The following RXFP1 variants were observed in gnomAD, a reference collection of about 807,000 sequenced individuals.
The protein encoded by RXFP1 is relaxin family peptide receptor 1.
RXFP1 carries 73 observed loss-of-function variants against 89.8 expected under a neutral mutation model. The observed-to-expected ratio is 0.81, with a 90% CI of 0.67 to 0.99. RXFP1 has a LOEUF of 0.99. Ranked by LOEUF, RXFP1 falls within the 50% of genes least tolerant of loss-of-function variation. The probability of loss-of-function intolerance (pLI) is 0.00; values close to 1 mark genes in which losing one functional copy is unlikely to be tolerated. For missense variants in RXFP1, 793 were observed against 895.5 expected (o/e 0.89, Z 1.46); for synonymous variants, 277 against 305.5 (o/e 0.91, Z 0.97).
chr4:158,542,031 T>C (rs1430849954), intron 1 of RXFP1, among the ~76,000 whole-genome samples: 1 of 142,784 alleles, frequency 7.0e-6, no homozygotes, highest in African/African-American at 2.6e-5. Flanking sequence ...GCGATTCTTC[T>C]GCCTCAGCCT....
intron 1 of RXFP1, among the ~76,000 whole-genome samples, chr4:158,567,325 C>G (rs921235961): frequency 6.6e-6 from 1 of 152,204 alleles, no homozygotes; most frequent in Non-Finnish European, 1.5e-5. Flanking sequence ...CACCTGCAGC[C>G]CCTGTGAGCG....
chr4:158,560,881 G>A (rs1484492547), intron 1 of RXFP1, among the ~76,000 whole-genome samples: 2 of 152,166 alleles, frequency 1.3e-5, no homozygotes, highest in East Asian at 1.9e-4. Context: ...CCAAGAAGCC[G>A]GCCAGCTGGG....
At chr4:158,567,461 C>G (rs1181751490) in intron 1 of RXFP1, among the ~76,000 whole-genome samples, 1 of 152,190 alleles carries the variant, frequency 6.6e-6, no homozygotes, top group Admixed American at 6.5e-5. Context: ...TGTAAACACA[C>G]CAATCAGCAC....
intron 1 of RXFP1, among the ~76,000 whole-genome samples, chr4:158,571,486 G>A (rs1489323264): frequency 1.3e-5 from 2 of 152,120 alleles, no homozygotes; most frequent in Non-Finnish European, 2.9e-5. Context: ...GACCAACATG[G>A]TAAAACCTCG....
chr4:158,549,891 G>GGGGGTCA (rs1302152243), intron 1 of RXFP1, among the ~76,000 whole-genome samples: 1 of 152,182 alleles, frequency 6.6e-6, no homozygotes, highest in Non-Finnish European at 1.5e-5. Context: ...TAGGCTGCTT[G>GGGGGTCA]GGGGTCAGGG....
At chr4:158,650,698 G>A (rs1052800794) in intron 17 of RXFP1, among the ~76,000 whole-genome samples, 4 of 152,066 alleles carry the variant, frequency 2.6e-5, no homozygotes, top group African/African-American at 9.6e-5. Context: ...GAACTTGGGA[G>A]GCAGAGACTT....
At chr4:158,591,887 C>T (rs983025466) in intron 2 of RXFP1, among the ~76,000 whole-genome samples, 2 of 152,128 alleles carry the variant, frequency 1.3e-5, no homozygotes, top group Admixed American at 1.3e-4. Context: ...TGGTAGCATT[C>T]AGGAAAAAAT....
intron 14 of RXFP1, 93 bp downstream of exon 14, chr4:158,639,424 T>G: frequency 1.3e-6 from 1 of 746,752 alleles, no homozygotes; most frequent in East Asian, 2.6e-5. Context: ...TATTTTCTAC[T>G]AATTTGCCAG....
rs1747987113 is a variant in RXFP1, at chr4:158,545,266, C to G, written c.49+23241C>G. On this transcript the variant is annotated intron_variant, in intron 1 of 17. Transcript: ENST00000307765. The stretch of plus-strand genomic sequence containing the variant: ...TGTCTTCTTTTGAGAAGTGTCTGTT[C>G]ATATCCTTCGCCCACTTTTTGATGG... Among the ~76,000 whole-genome samples, 5 of 152,172 alleles carry G rather than the reference C, an allele frequency of 3.3e-5. No individual in the cohort carries two copies. The South Asian group carries it at 1.0e-3, about 32-fold the overall frequency.
intron 6 of RXFP1, 63 bp downstream of exon 6, chr4:158,608,106 A>T: frequency 9.3e-7 from 1 of 1,080,786 alleles, no homozygotes; most frequent in Non-Finnish European, 1.4e-6. Flanking sequence ...GACTATTCCA[A>T]TCCAGACCAG....
intron 1 of RXFP1, among the ~76,000 whole-genome samples, chr4:158,553,850 A>G (rs950916316): frequency 3.3e-5 from 5 of 152,184 alleles, no homozygotes; most frequent in Admixed American, 2.0e-4. Flanking sequence ...CAAAGTACTC[A>G]GCATGCTAAA....
chr4:158,590,318 C>T (rs1759180255), intron 2 of RXFP1, among the ~76,000 whole-genome samples: 1 of 152,088 alleles, frequency 6.6e-6, no homozygotes, highest in Non-Finnish European at 1.5e-5. Context: ...GCATGTATCA[C>T]CATGGCTGGG....
At chr4:158,616,599 A>G (rs1302445592) in intron 8 of RXFP1, among the ~76,000 whole-genome samples, 3 of 141,914 alleles carry the variant, frequency 2.1e-5, no homozygotes, top group Non-Finnish European at 4.6e-5. Flanking sequence ...GCTTTCCTCC[A>G]TATAATAACT....
At chr4:158,627,542 TG>T (rs1767131441) in intron 10 of RXFP1, among the ~76,000 whole-genome samples, 1 of 149,928 alleles carries the variant, frequency 6.7e-6, no homozygotes, top group African/African-American at 2.5e-5. Flanking sequence ...TGTGTGTGTG[TG>T]TGTGTGTTTT....
intron 1 of RXFP1, among the ~76,000 whole-genome samples, chr4:158,536,436 T>A (rs1353640951): frequency 6.6e-6 from 1 of 152,172 alleles, no homozygotes; most frequent in Non-Finnish European, 1.5e-5. Context: ...GGGAAATGCG[T>A]CAATCAGAGA....
At chr4:158,528,512 GA>G (rs941143547) in intron 1 of RXFP1, among the ~76,000 whole-genome samples, 4 of 150,160 alleles carry the variant, frequency 2.7e-5, no homozygotes, top group Admixed American at 2.0e-4. Context: ...GTCAGAAAAA[GA>G]AAAAAAAAGC....
rs1174909963 is a variant in RXFP1 at position 158,626,602 on chromosome 4, G to T, written c.756-218G>T. Among the ~76,000 whole-genome samples the T allele has an allele frequency of 3.3e-5, 5 of 151,964 alleles. No homozygotes were observed. The East Asian group carries it at 5.8e-4, about 18-fold the overall frequency. On this transcript the variant is annotated intron_variant, in intron 9 of 17. Transcript: ENST00000307765. ...CCGTATGCACTCATGATACAGATGG[G>T]ACGCAAAACATTTTTACCTTTAACA... is the stretch of plus-strand genomic sequence containing the variant.
chr4:158,629,855 C>A (rs1340601661), intron 11 of RXFP1, among the ~76,000 whole-genome samples: 1 of 151,910 alleles, frequency 6.6e-6, no homozygotes, highest in Non-Finnish European at 1.5e-5. Flanking sequence ...GAACTCCTGG[C>A]CTTAAGCAAT....
At chr4:158,621,387 G>A (rs1440680648) in intron 9 of RXFP1, among the ~76,000 whole-genome samples, 1 of 152,138 alleles carries the variant, frequency 6.6e-6, no homozygotes, top group Non-Finnish European at 1.5e-5. Flanking sequence ...CTAATAAAAA[G>A]CATGTAATTA....
Sources: allele counts gnomAD v4.1 joint callset (sites outside exome capture counted in the v4.1 genomes callset), GRCh38; gene constraint gnomAD v4.1.1; transcripts MANE v1.5; gene names NCBI Gene and HGNC (gene_info 2026-07-23, HGNC 2026-07-21).